Variants in SASH1 observed in about 807,000 individuals in gnomAD.
The protein encoded by SASH1 is SAM and SH3 domain-containing protein 1.
A neutral mutation model predicts 125.2 loss-of-function variants in SASH1; 44 were observed. The observed-to-expected ratio is 0.35, with a 90% CI of 0.28 to 0.45. The LOEUF (loss-of-function observed/expected upper bound fraction) is 0.45. SASH1 is among the 20% of genes least tolerant of loss of function. The pLI is 1.00. For missense variants in SASH1, 1,426 were observed against 1,614.5 expected, an observed-to-expected ratio of 0.88 and a Z score of 2.00; for synonymous variants, 639 against 649.1, an observed-to-expected ratio of 0.98 and a Z score of 0.24.
chr6:148,495,565 T>A lies in SASH1; in HGVS notation c.729+7850T>A, dbSNP rs184912213. Reference sequence around the variant, plus strand: ...TAAACCTATATCATTAGCTTCATCATGTGGAAAAGTCTGACCGCAAAGATT... The same window carrying A: ...TAAACCTATATCATTAGCTTCATCAAGTGGAAAAGTCTGACCGCAAAGATT... On this transcript the variant is annotated intron_variant, in intron 8 of 19. Transcript: ENST00000367467. This position sits in a 1 kb window ranked among gnomAD's most constrained non-coding sequence, Gnocchi z 4.0. Among the ~76,000 whole-genome samples the A allele has an allele frequency of 5.4e-4, 82 of 152,346 alleles. 1 individual carries two copies. In the Middle Eastern group the frequency reaches 0.02, roughly 38 times the overall value.
chr6:148,266,650 G>C, the SASH1 span, among the ~76,000 whole-genome samples: 1 of 152,176 alleles, frequency 6.6e-6, no homozygotes, highest in Non-Finnish European at 1.5e-5. Flanking sequence ...GCCTAGGCTA[G>C]AGTTCAGTGG....
At chr6:148,461,278 C>G (rs1777602156) in intron 4 of SASH1, among the ~76,000 whole-genome samples, 1 of 152,150 alleles carries the variant, frequency 6.6e-6, no homozygotes, top group East Asian at 1.9e-4. Context: ...TTGCAGACAC[C>G]TGCCTTGTTC....
chr6:148,438,364 A>G (rs1190482028), intron 2 of SASH1, among the ~76,000 whole-genome samples: 1 of 152,230 alleles, frequency 6.6e-6, no homozygotes, highest in Non-Finnish European at 1.5e-5. Flanking sequence ...CCAAAAGTAT[A>G]TATCCCCTTT....
chr6:148,278,686 A>T (rs578002531), intron 1 of SASH1: 1 of 152,286 alleles, frequency 6.6e-6, no homozygotes, highest in African/African-American at 2.4e-5. Flanking sequence ...TCACTTCAGC[A>T]GCACATATAC....
chr6:148,258,025 C>A, the SASH1 span, among the ~76,000 whole-genome samples: 2 of 152,102 alleles, frequency 1.3e-5, no homozygotes, highest in African/African-American at 4.8e-5. Flanking sequence ...TGCCCACTGG[C>A]AAGCACATAA....
the SASH1 span, among the ~76,000 whole-genome samples, chr6:148,233,535 C>T: frequency 6.6e-6 from 1 of 151,982 alleles, no homozygotes; most frequent in Non-Finnish European, 1.5e-5. Context: ...TCAACTCCTG[C>T]TTTCATGGTG....
intron 1 of SASH1, among the ~76,000 whole-genome samples, chr6:148,355,336 C>A (rs1463304510): frequency 6.6e-6 from 1 of 152,074 alleles, no homozygotes; most frequent in Non-Finnish European, 1.5e-5. Flanking sequence ...CATGTGACGC[C>A]CAGGTGGTGA....
the SASH1 span, among the ~76,000 whole-genome samples, chr6:148,223,246 T>A: frequency 6.6e-6 from 1 of 152,180 alleles, no homozygotes; most frequent in Non-Finnish European, 1.5e-5. Flanking sequence ...TTTCCCCAAA[T>A]GTGAAATATA....
chr6:148,250,857 A>T, the SASH1 span, among the ~76,000 whole-genome samples: 1 of 152,314 alleles, frequency 6.6e-6, no homozygotes, highest in East Asian at 1.9e-4. Flanking sequence ...TAAAAGCTAA[A>T]ATTTTAAAAA....
At chr6:148,349,248 C>CTTTTT (rs1781627053) in intron 1 of SASH1, among the ~76,000 whole-genome samples, 2 of 66,244 alleles carry the variant, frequency 3.0e-5, no homozygotes, top group African/African-American at 7.6e-5. Flanking sequence ...TTTCTTCTTT[C>CTTTTT]TTTCTTTTTT....
the SASH1 span, among the ~76,000 whole-genome samples, chr6:148,206,095 A>G: frequency 6.6e-6 from 1 of 152,042 alleles, no homozygotes; most frequent in Non-Finnish European, 1.5e-5. Flanking sequence ...TAATTAAAAG[A>G]TTTTCTTTGC....
intron 4 of SASH1, among the ~76,000 whole-genome samples, chr6:148,448,137 TG>T (rs1489670227): frequency 6.6e-6 from 1 of 150,546 alleles, no homozygotes; most frequent in African/African-American, 2.5e-5. Flanking sequence ...TGTGTGTGTG[TG>T]TATGTGTGTG....
rs1386359284 is a variant in SASH1, at chr6:148,487,481, G to T, written c.628-133G>T. On this transcript the variant is annotated intron_variant, in intron 7 of 19. Coordinates refer to ENST00000367467, the MANE Select transcript of SASH1 (RefSeq NM_015278.5). ...CTGGCATGAAGAAGGTACCCAAAGT[G>T]ATCTCTGTGCTGCGTGAGCACAAGA... The T allele has an allele frequency of 6.2e-6, 4 of 646,214 alleles. No individual in the cohort carries two copies. In the East Asian group the frequency reaches 1.1e-4, roughly 18 times the overall value. 40.0% of individuals were successfully genotyped at this position (646,214 alleles called of 1,614,324 possible).
chr6:148,447,275 A>G (rs1377353271), intron 4 of SASH1, among the ~76,000 whole-genome samples: 4 of 152,228 alleles, frequency 2.6e-5, no homozygotes, highest in African/African-American at 9.6e-5. Flanking sequence ...AGCACGATGG[A>G]AAAGGAAGGT....
At chr6:148,344,693 C>G (rs553307004) in intron 1 of SASH1, among the ~76,000 whole-genome samples, 1 of 151,648 alleles carries the variant, frequency 6.6e-6, no homozygotes, top group East Asian at 1.9e-4. Flanking sequence ...TGAATATGAT[C>G]CTTCACTGAA....
chr6:148,319,635 C>T (rs1003345362), intron 1 of SASH1, among the ~76,000 whole-genome samples: 7 of 152,084 alleles, frequency 4.6e-5, no homozygotes, highest in African/African-American at 1.7e-4. Flanking sequence ...CAGCCTCAGG[C>T]TCCCGAGTAG....
intron 7 of SASH1, among the ~76,000 whole-genome samples, chr6:148,485,565 G>T (rs1441472141): frequency 1.3e-5 from 2 of 152,100 alleles, no homozygotes; most frequent in South Asian, 2.1e-4. Context: ...CAGATTTATC[G>T]TCATGCCTGT....
At chr6:148,498,297 G>A (rs1481888938) in intron 8 of SASH1, among the ~76,000 whole-genome samples, 1 of 151,814 alleles carries the variant, frequency 6.6e-6, no homozygotes, top group East Asian at 1.9e-4. Context: ...TGTAGTCCCA[G>A]CTACTTGTGG....
intron 4 of SASH1, among the ~76,000 whole-genome samples, chr6:148,455,903 G>A (rs938687290): frequency 5.3e-5 from 8 of 151,620 alleles, no homozygotes; most frequent in Admixed American, 5.2e-4. Flanking sequence ...TGCCCGCAGT[G>A]CCTCCAGCCT....
Sources: gnomAD v4.1 joint callset for allele counts (sites outside exome capture counted in the v4.1 genomes callset) on GRCh38, gnomAD v4.1.1 for gene constraint, Gnocchi (gnomAD v3.1) non-coding constraint, MANE v1.5 for transcripts, NCBI Gene and HGNC (gene_info 2026-07-23, HGNC 2026-07-21) for gene names.